RBMS1: variants seen among roughly 807,000 people sequenced by gnomAD.
RBMS1 encodes RNA-binding motif, single-stranded-interacting protein 1.
RBMS1 carries 17 observed loss-of-function variants against 62.3 expected under a neutral mutation model. That is an observed-to-expected ratio of 0.27 (90% CI 0.19 to 0.41). The LOEUF is 0.41. Among genes scored for constraint, RBMS1 ranks in the 10% least tolerant of loss-of-function variants. The pLI is 1.00. For missense variants in RBMS1, 334 were observed against 504.5 expected (o/e 0.66, Z 3.24); for synonymous variants, 172 against 170.0 (o/e 1.01, Z -0.09).
rs543630183 is a variant in RBMS1 at position 160,400,653 on chromosome 2, GT to G, written c.76-33263del. ...TATGAAATTTCATATATATAGCTAC[GT>G]TTCCCCCTCACTAACTCATGTACAT... On this transcript the variant is annotated intron_variant, in intron 1 of 13. Coordinates refer to ENST00000348849, the MANE Select transcript of RBMS1 (RefSeq NM_016836.4). Among the ~76,000 whole-genome samples, 351 of 152,158 alleles carry G rather than the reference GT, an allele frequency of 2.3e-3. 1 individual carries two copies. Among genetic ancestry groups the G allele is most frequent in the African/African-American group, 8.1e-3 (335 of 41,520 alleles).
intron 4 of RBMS1, among the ~76,000 whole-genome samples, chr2:160,309,815 AG>A (rs1187953120): frequency 7.2e-5 from 11 of 152,204 alleles, no homozygotes; most frequent in Admixed American, 7.2e-4. Flanking sequence ...AGTGAGCTGA[AG>A]GAAGAGTGAG....
At chr2:160,367,486 A>G (rs946166145) in intron 1 of RBMS1, 95 bp from the exon 2 acceptor site, 38 of 1,538,576 alleles carry the variant, frequency 2.5e-5, no homozygotes, top group Non-Finnish European at 3.1e-5. Flanking sequence ...AGATTACTTT[A>G]AGCTACTTTG....
chr2:160,482,397 T>C (rs1470531955), intron 1 of RBMS1, among the ~76,000 whole-genome samples: 1 of 143,238 alleles, frequency 7.0e-6, no homozygotes, highest in Non-Finnish European at 1.5e-5. Flanking sequence ...ATTTAAAATT[T>C]GTGCACTATA....
intron 2 of RBMS1, among the ~76,000 whole-genome samples, chr2:160,337,271 T>A (rs1691632431): frequency 6.6e-6 from 1 of 151,682 alleles, no homozygotes; most frequent in South Asian, 2.1e-4. Context: ...ATAGCTGGGA[T>A]TATAGGTTCA....
rs200119683 is a variant in RBMS1, at chr2:160,274,467, TTTTC to T, written c.*301_*304del. The T allele has an allele frequency of 0.094, 14,213 of 150,558 alleles. 802 individuals carry two copies. Among genetic ancestry groups the T allele is most frequent in the East Asian group, 0.24 (1,242 of 5,084 alleles). 9.3% of individuals were successfully genotyped at this position (150,558 alleles called of 1,614,324 possible). A position where few individuals can be genotyped will look rare whatever the true frequency, so the allele number is the denominator to read the frequency against. ...AATTGAAGTTTTCTTTTCTTTTTTT[TTTTC>T]TTTTTCTTTTTTTGCATCATAACAT... On this transcript the variant is annotated 3_prime_UTR_variant, in exon 14 of 14. Coordinates refer to ENST00000348849, the MANE Select transcript of RBMS1 (RefSeq NM_016836.4).
At chr2:160,491,326 C>T (rs1325278156) in intron 1 of RBMS1, among the ~76,000 whole-genome samples, 1 of 152,174 alleles carries the variant, frequency 6.6e-6, no homozygotes, top group Non-Finnish European at 1.5e-5. Context: ...AATAGGATTT[C>T]AGATTTAATT....
intron 1 of RBMS1, among the ~76,000 whole-genome samples, chr2:160,403,828 T>C (rs1039897355): frequency 6.6e-6 from 1 of 152,182 alleles, no homozygotes; most frequent in African/African-American, 2.4e-5. Flanking sequence ...GTAACTTAGC[T>C]ACCTCAAGAA....
chr2:160,350,347 G>A (rs1197402763), intron 2 of RBMS1, among the ~76,000 whole-genome samples: 1 of 152,146 alleles, frequency 6.6e-6, no homozygotes, highest in Non-Finnish European at 1.5e-5. Flanking sequence ...TTCTGCCCTG[G>A]ACATTTGTCA....
rs12996482 is a variant in RBMS1, at chr2:160,367,914, T to C, written c.76-523A>G. Among the ~76,000 whole-genome samples, 289 of 152,300 alleles carry C rather than the reference T, an allele frequency of 1.9e-3. 1 individual carries two copies. The highest frequency in any genetic ancestry group is 4.6e-3 in the Admixed American group (70 of 15,302). On this transcript the variant is annotated intron_variant, in intron 1 of 13. Coordinates refer to ENST00000348849, the MANE Select transcript of RBMS1 (RefSeq NM_016836.4). ...GTTCTAAGACAGGCACACGACTTCATTGAGACATCTGGGTAAGATTCCCAG... is the reference window on the plus strand; with the variant it reads ...GTTCTAAGACAGGCACACGACTTCACTGAGACATCTGGGTAAGATTCCCAG...
At chr2:160,285,176 T>A in intron 7 of RBMS1, 132 bp from the exon 8 acceptor site, 1 of 821,502 alleles carries the variant, frequency 1.2e-6, no homozygotes, top group East Asian at 2.6e-5. Context: ...AAGATCCTTT[T>A]GAAGCCCAGG....
At chr2:160,424,374 G>GT (rs1193900716) in intron 1 of RBMS1, among the ~76,000 whole-genome samples, 2 of 150,248 alleles carry the variant, frequency 1.3e-5, no homozygotes, top group South Asian at 2.1e-4. Context: ...TTGGGGGGGG[G>GT]GGGAAACAAA....
chr2:160,285,009 A>C lies in RBMS1; in HGVS notation c.792T>G (p.Ala264=). ...TAACGACATACCCGTTCTGTATAGC[A>C]GCTGTAGTTGGGTCGTAAGTAAGTG... ...GMTLTYDPTT[A]AIQNGFYPSP... is the part of the protein sequence containing the mutation. Residue 264 remains alanine, a synonymous_variant, in exon 8 of 14, where the codon GCT becomes GCG. Transcript: ENST00000348849. 1.2e-6 allele frequency: 2 copies of C among 1,613,384 alleles called. No individual in the cohort carries two copies. The highest frequency in any genetic ancestry group is 1.7e-6 in the Non-Finnish European group (2 of 1,179,254).
chr2:160,311,224 CTAT>C lies in RBMS1; in HGVS notation c.402+1929_402+1931del, dbSNP rs1689854330. Reference sequence around the variant, plus strand: ...AAAAAAAAAAAATCTATCTATCTATCTATCTATCTATATATATATATATATATA... The same window carrying C: ...AAAAAAAAAAAATCTATCTATCTATCCTATCTATATATATATATATATATA... On this transcript the variant is annotated intron_variant, in intron 4 of 13. Transcript: ENST00000348849. Among the ~76,000 whole-genome samples, 83 of 56,602 alleles carry C rather than the reference CTAT, an allele frequency of 1.5e-3. 6 individuals are homozygous for C. Among genetic ancestry groups the C allele is most frequent in the Admixed American group, 2.3e-3 (11 of 4,762 alleles). The allele number at this position is 56,602 out of a possible 152,430, so 37.1% of individuals were successfully genotyped here.
intron 1 of RBMS1, among the ~76,000 whole-genome samples, chr2:160,394,673 A>G (rs1695047064): frequency 1.3e-5 from 2 of 152,226 alleles, no homozygotes; most frequent in Non-Finnish European, 2.9e-5. Context: ...GCAACTTACT[A>G]TTGCTAAAGG....
At chr2:160,383,461 G>GA (rs1316571684) in intron 1 of RBMS1, among the ~76,000 whole-genome samples, 2 of 148,916 alleles carry the variant, frequency 1.3e-5, no homozygotes, top group Admixed American at 1.3e-4. Context: ...ATTGGGGGGG[G>GA]GGGAACTGAC....
At chr2:160,456,745 T>C (rs1340579468) in intron 1 of RBMS1, among the ~76,000 whole-genome samples, 1 of 152,236 alleles carries the variant, frequency 6.6e-6, no homozygotes, top group East Asian at 1.9e-4. Flanking sequence ...CACTGCCAAG[T>C]GATCCACTCT....
rs1696195725 is a variant in RBMS1, at chr2:160,416,103, G to A, written c.76-48712C>T. 2 of 147,478 alleles carry A rather than the reference G, an allele frequency of 1.4e-5. 1 individual carries two copies. Among genetic ancestry groups the A allele is most frequent in the African/African-American group, 5.0e-5 (2 of 39,644 alleles). 9.1% of individuals were successfully genotyped at this position (147,478 alleles called of 1,614,324 possible). On this transcript the variant is annotated intron_variant, in intron 1 of 13. Transcript: ENST00000348849. ...AGAATGACTAGTTCTGGGTTATCTAGTATGTTTAACACATGGGGTGAACTG... is the reference window on the plus strand; with the variant it reads ...AGAATGACTAGTTCTGGGTTATCTAATATGTTTAACACATGGGGTGAACTG...
intron 2 of RBMS1, among the ~76,000 whole-genome samples, chr2:160,330,229 T>C (rs1420317417): frequency 6.6e-6 from 1 of 152,158 alleles, no homozygotes; most frequent in Non-Finnish European, 1.5e-5. Context: ...AAATGTGGCT[T>C]GAGTGAGTGG....
rs1000880513 is a variant in RBMS1 at position 160,281,368 on chromosome 2, G to T, written c.901-4C>A. ...GCATCCACGAAGGACTTTGCACCTA[G>T]AAAAGGGAGGATTTTGAAAGAAATA... On this transcript the variant is annotated splice_region_variant and splice_polypyrimidine_tract_variant and intron_variant, in intron 9 of 13. Coordinates refer to ENST00000348849, the MANE Select transcript of RBMS1 (RefSeq NM_016836.4). 6.2e-6 allele frequency: 10 copies of T among 1,603,610 alleles called. No homozygotes were observed. The Admixed American group carries it at 1.0e-4, about 16-fold the overall frequency.
Sources: gnomAD v4.1 joint callset for allele counts (sites outside exome capture counted in the v4.1 genomes callset) on GRCh38, gnomAD v4.1.1 for gene constraint, MANE v1.5 for transcripts, NCBI Gene and HGNC (gene_info 2026-07-23, HGNC 2026-07-21) for gene names.